MICU3: variants seen among roughly 807,000 people sequenced by gnomAD.
MICU3 encodes calcium uptake protein 3, mitochondrial.
MICU3 carries 62 observed loss-of-function variants against 66.5 expected under a neutral mutation model. The observed-to-expected ratio is 0.93, with a 90% CI of 0.76 to 1.15. The LOEUF is 1.15. Among genes scored for constraint, MICU3 ranks in the 50% most tolerant of loss-of-function variants. The pLI, the probability that MICU3 is intolerant of heterozygous loss-of-function variation, is 0.00. For synonymous variants in MICU3, 308 were observed against 240.7 expected, an observed-to-expected ratio of 1.28 and a Z score of -2.59; for missense variants, 779 against 664.4, an observed-to-expected ratio of 1.17 and a Z score of -1.90.
chr8:17,057,303 G>A (rs912444974), intron 1 of MICU3, among the ~76,000 whole-genome samples: 5 of 152,108 alleles, frequency 3.3e-5, no homozygotes, highest in Admixed American at 1.3e-4. Context: ...GGGAAATCAG[G>A]GATGGGTTGG....
In MICU3 at chr8:17,120,472, G is replaced by C. The variant is rs1042570887; in HGVS notation, c.*185G>C. 1.3e-5 allele frequency: 2 copies of C among 152,022 alleles called. No individual in the cohort carries two copies. The highest frequency in any genetic ancestry group is 4.8e-5 in the African/African-American group (2 of 41,434). The allele number at this position is 152,022 out of a possible 1,614,324, so 9.4% of individuals were successfully genotyped here. On this transcript the variant is annotated 3_prime_UTR_variant, in exon 15 of 15. Transcript: ENST00000318063. ...ACATAAAACAGATAAAATGCATCTT[G>C]TTACTACAAATGTTATATATATAAA... is the stretch of plus-strand genomic sequence containing the variant.
chr8:17,123,455 A>G (rs1357071052), downstream of MICU3, among the ~76,000 whole-genome samples: 1 of 152,132 alleles, frequency 6.6e-6, no homozygotes, highest in East Asian at 1.9e-4. Context: ...TGGACTGAGT[A>G]GACAGTTTTT....
At chr8:17,070,805 G>A (rs1271774193) in intron 3 of MICU3, among the ~76,000 whole-genome samples, 1 of 152,004 alleles carries the variant, frequency 6.6e-6, no homozygotes, top group Non-Finnish European at 1.5e-5. Flanking sequence ...TGGGTAATAT[G>A]CTCTAAGACC....
intron 5 of MICU3, 91 bp downstream of exon 5, chr8:17,081,831 A>C: frequency 3.1e-6 from 2 of 641,104 alleles, no homozygotes; most frequent in Non-Finnish European, 5.6e-6. Context: ...TACTCTTGAA[A>C]ATCAATATCC....
intron 12 of MICU3, 21 bp from the exon 13 acceptor site, chr8:17,116,422 T>G: frequency 7.2e-7 from 1 of 1,388,388 alleles, no homozygotes; most frequent in South Asian, 1.9e-5. Context: ...TCTATTCTTT[T>G]TCTATGTAAC....
intron 1 of MICU3, among the ~76,000 whole-genome samples, chr8:17,049,078 G>A (rs1815613119): frequency 6.6e-6 from 1 of 152,160 alleles, no homozygotes; most frequent in Non-Finnish European, 1.5e-5. Context: ...TCTTTCATAA[G>A]TAACTGAATA....
chr8:17,039,229 G>C lies in MICU3; in HGVS notation c.381+11569G>C, dbSNP rs567379329. On this transcript the variant is annotated intron_variant, in intron 1 of 14. Transcript: ENST00000318063. ...TGTAGCATAAACATAACTTTTATATGCACTGGGAAACCAGAATATTTATGT... is the reference window on the plus strand; with the variant it reads ...TGTAGCATAAACATAACTTTTATATCCACTGGGAAACCAGAATATTTATGT... 1.1e-4 allele frequency among the ~76,000 whole-genome samples: 17 copies of C among 152,292 alleles called. No individual in the cohort carries two copies. The East Asian group carries it at 3.1e-3, about 28-fold the overall frequency.
chr8:17,084,412 C>G (rs1821647803), intron 5 of MICU3, among the ~76,000 whole-genome samples: 1 of 152,052 alleles, frequency 6.6e-6, no homozygotes, highest in Admixed American at 6.6e-5. Flanking sequence ...ATCTGTGCCT[C>G]TTTTGCAGGT....
chr8:17,033,771 A>C (rs1354409370), intron 1 of MICU3, among the ~76,000 whole-genome samples: 1 of 152,194 alleles, frequency 6.6e-6, no homozygotes, highest in East Asian at 1.9e-4. Context: ...GTGAAAAGTA[A>C]GGAAGCTGCA....
chr8:17,134,666 A>C, the MICU3 span, among the ~76,000 whole-genome samples: 9 of 152,154 alleles, frequency 5.9e-5, no homozygotes, highest in African/African-American at 1.7e-4. Flanking sequence ...GGATGGTCTC[A>C]ATCTCCTGAC....
At chr8:17,050,861 G>C (rs1174514346) in intron 1 of MICU3, among the ~76,000 whole-genome samples, 1 of 151,888 alleles carries the variant, frequency 6.6e-6, no homozygotes, top group Admixed American at 6.6e-5. Context: ...TCAATGGGGG[G>C]GTTTAAACCT....
At chr8:17,052,837 A>G (rs1816326808) in intron 1 of MICU3, among the ~76,000 whole-genome samples, 1 of 152,200 alleles carries the variant, frequency 6.6e-6, no homozygotes, top group South Asian at 2.1e-4. Context: ...ACCAAATGTA[A>G]TACTTCCATG....
intron 1 of MICU3, among the ~76,000 whole-genome samples, chr8:17,061,729 T>C (rs2066801653): frequency 6.6e-6 from 1 of 151,904 alleles, no homozygotes. Context: ...AAAAGTAAAC[T>C]CTAGTCACAG....
chr8:17,101,001 T>G lies in MICU3; in HGVS notation c.984+2448T>G, dbSNP rs571528714. 3.9e-4 allele frequency among the ~76,000 whole-genome samples: 60 copies of G among 151,932 alleles called. 1 individual carries two copies. Among genetic ancestry groups the G allele is most frequent in the African/African-American group, 1.4e-3 (58 of 41,482 alleles). ...TTATTCAAAAACTTCATTAACAAAA[T>G]CAAAAGTTTGAAGATTTCCTCTAGC... On this transcript the variant is annotated intron_variant, in intron 9 of 14. Coordinates refer to ENST00000318063, the MANE Select transcript of MICU3 (RefSeq NM_181723.3).
intron 2 of MICU3, among the ~76,000 whole-genome samples, chr8:17,064,550 T>C (rs1818381137): frequency 6.6e-6 from 1 of 152,154 alleles, no homozygotes; most frequent in Non-Finnish European, 1.5e-5. Flanking sequence ...GAGGACTGGC[T>C]TTGAGGTTAG....
intron 6 of MICU3, among the ~76,000 whole-genome samples, chr8:17,086,077 G>C (rs1430470158): frequency 5.9e-5 from 9 of 151,952 alleles, no homozygotes; most frequent in Admixed American, 5.9e-4. Context: ...CACTCTCCGA[G>C]TAAAAAGAAA....
At chr8:17,066,544 T>TATATATATATATATATATATATATA (rs1491234403) in intron 2 of MICU3, among the ~76,000 whole-genome samples, 6 of 61,506 alleles carry the variant, frequency 9.8e-5, no homozygotes, top group African/African-American at 6.6e-4. Context: ...TATATATAGA[T>TATATATATATATATATATATATATA]TTTTTTTTTT....
chr8:17,045,461 G>A (rs1156889929), intron 1 of MICU3, among the ~76,000 whole-genome samples: 1 of 152,104 alleles, frequency 6.6e-6, no homozygotes, highest in East Asian at 1.9e-4. Flanking sequence ...ATTTCAACAT[G>A]GTTTTCCATG....
At chr8:17,034,074 G>T (rs750468525) in intron 1 of MICU3, among the ~76,000 whole-genome samples, 8 of 152,234 alleles carry the variant, frequency 5.3e-5, no homozygotes, top group South Asian at 4.2e-4. Flanking sequence ...TTTTGTTAGG[G>T]GCTAATGCAG....
Sources: gnomAD v4.1 joint callset for allele counts (sites outside exome capture counted in the v4.1 genomes callset) on GRCh38, gnomAD v4.1.1 for gene constraint, MANE v1.5 for transcripts, NCBI Gene and HGNC (gene_info 2026-07-23, HGNC 2026-07-21) for gene names.